The following SUMF1 variants were observed in gnomAD, a reference collection of about 807,000 sequenced individuals.
SUMF1 encodes formylglycine-generating enzyme.
In SUMF1, 48 loss-of-function variants were observed where a neutral mutation model predicts 47.6. That is an observed-to-expected ratio of 1.01 (90% CI 0.80 to 1.28). The LOEUF (loss-of-function observed/expected upper bound fraction) is 1.28. Ranked by LOEUF, SUMF1 falls within the 50% of genes most tolerant of loss-of-function variation. SUMF1 has a pLI of 0.00. For synonymous variants in SUMF1, 230 were observed against 192.1 expected (o/e 1.20, Z -1.63); for missense variants, 571 against 485.4 (o/e 1.18, Z -1.66).
chr3:4,404,931 T>C (rs1701328581), intron 7 of SUMF1, among the ~76,000 whole-genome samples: 1 of 152,116 alleles, frequency 6.6e-6, no homozygotes. Context: ...GGTATGAAAG[T>C]CTTAACTAAG....
At position 4,418,189 on chromosome 3, in the gene SUMF1, G is replaced by A. The variant is rs144730565; in HGVS notation, c.603-57C>T. On this transcript the variant is annotated intron_variant, in intron 4 of 8. Coordinates refer to ENST00000272902, the MANE Select transcript of SUMF1 (RefSeq NM_182760.4). Reference sequence around the variant, plus strand: ...ACACCAATCAGAACAAGAAGCAGGAGCTGGCTTCAGCAAAGCGCCCATAAT... The same window carrying A: ...ACACCAATCAGAACAAGAAGCAGGAACTGGCTTCAGCAAAGCGCCCATAAT... 5.6e-5 allele frequency: 91 copies of A among 1,611,078 alleles called. No individual in the cohort carries two copies. In the African/African-American group the frequency reaches 1.1e-3, roughly 20 times the overall value.
intron 3 of SUMF1, among the ~76,000 whole-genome samples, chr3:4,445,833 C>T (rs911928328): frequency 1.3e-5 from 2 of 152,102 alleles, no homozygotes; most frequent in Non-Finnish European, 2.9e-5. Flanking sequence ...AGCTGTGAAA[C>T]CGTACTATAG....
Position 4,453,162 on chromosome 3 carries a change from G to C in SUMF1, c.271-113C>G, listed in dbSNP as rs1416591617. ...CGCAAGTTTGTAAATCTTCACCACA[G>C]TAATAACTGTAAAATTCGGAAAAAT... On this transcript the variant is annotated intron_variant, in intron 1 of 8. Coordinates refer to ENST00000272902, the MANE Select transcript of SUMF1 (RefSeq NM_182760.4). The C allele has an allele frequency of 7.5e-6, 8 of 1,070,290 alleles. No homozygotes were observed. In the African/African-American group the frequency reaches 7.9e-5, roughly 11 times the overall value. 66.3% of individuals were successfully genotyped at this position (1,070,290 alleles called of 1,614,324 possible).
At chr3:4,049,581 A>T (rs1243962840) in intron 9 of SUMF1, among the ~76,000 whole-genome samples, 1 of 152,086 alleles carries the variant, frequency 6.6e-6, no homozygotes, top group Non-Finnish European at 1.5e-5. Flanking sequence ...GCATGCAGAC[A>T]GGTAGGTTCA....
In SUMF1 at chr3:4,110,086, C is replaced by T. The variant is rs1370096728; in HGVS notation, c.1015-41341G>A. On this transcript the variant is annotated intron_variant and NMD_transcript_variant, in intron 8 of 12. Transcript: ENST00000448413. Reference sequence around the variant, plus strand: ...TACCTTTGGTCTTTGATGATGGTGACGTACAGATGGGTTTTTGGTGTGGAT... The same window carrying T: ...TACCTTTGGTCTTTGATGATGGTGATGTACAGATGGGTTTTTGGTGTGGAT... Among the ~76,000 whole-genome samples the T allele has an allele frequency of 5.3e-5, 8 of 152,194 alleles. No homozygotes were observed. In the East Asian group the frequency reaches 7.7e-4, roughly 15 times the overall value.
rs1255413415 is a variant in SUMF1, at chr3:4,410,838, G to A, written c.954+27C>T. The A allele has an allele frequency of 1.9e-6, 3 of 1,602,046 alleles. No individual in the cohort carries two copies. The East Asian group carries it at 6.7e-5, about 36-fold the overall frequency. ...CAGAGGACAGATGCCACCATTCCAA[G>A]ACACATGCTCTGTGAATAATACTCA... is the stretch of plus-strand genomic sequence containing the variant. On this transcript the variant is annotated intron_variant, in intron 7 of 8. Coordinates refer to ENST00000272902, the MANE Select transcript of SUMF1 (RefSeq NM_182760.4).
At chr3:4,179,638 G>A (rs936558693) in intron 8 of SUMF1, among the ~76,000 whole-genome samples, 1 of 152,050 alleles carries the variant, frequency 6.6e-6, no homozygotes, top group Non-Finnish European at 1.5e-5. Context: ...CATGGGCAAG[G>A]ACTTCATGAC....
chr3:4,116,223 G>A (rs990819121), intron 8 of SUMF1, among the ~76,000 whole-genome samples: 1 of 152,042 alleles, frequency 6.6e-6, no homozygotes, highest in African/African-American at 2.4e-5. Context: ...ATCAACCCAG[G>A]TCTCCTGGTT....
At chr3:4,300,358 C>T (rs894769378) in intron 8 of SUMF1, among the ~76,000 whole-genome samples, 8 of 152,184 alleles carry the variant, frequency 5.3e-5, no homozygotes, top group African/African-American at 1.9e-4. Context: ...GAGCCATGAG[C>T]CAATTAAACC....
In SUMF1 at chr3:4,456,769, T is replaced by TATATACGTGTGTGTGTATATAC. The variant is rs2079632635; in HGVS notation, c.271-3721_271-3720insGTATATACACACACACGTATAT. 2.0e-4 allele frequency among the ~76,000 whole-genome samples: 26 copies of TATATACGTGTGTGTGTATATAC among 132,688 alleles called. 1 individual carries two copies. The highest frequency in any genetic ancestry group is 6.2e-4 in the African/African-American group (22 of 35,406). The allele number at this position is 132,688 out of a possible 152,430, so 87.0% of individuals were successfully genotyped here. A position where few individuals can be genotyped will look rare whatever the true frequency, so the allele number is the denominator to read the frequency against. ...ACATATATACGTGTGTGTGTATATA[T>TATATACGTGTGTGTGTATATAC]ACACATATATACGTGTGTGTGTATA... On this transcript the variant is annotated intron_variant, in intron 1 of 8. Coordinates refer to ENST00000272902, the MANE Select transcript of SUMF1 (RefSeq NM_182760.4).
In SUMF1 at chr3:4,313,451, T is replaced by C. The variant is rs763064545; in HGVS notation, c.1014+62879A>G. The C allele has an allele frequency of 5.6e-6, 9 of 1,614,044 alleles. No homozygotes were observed. The South Asian group carries it at 6.6e-5, about 12-fold the overall frequency. On this transcript the variant is annotated intron_variant and NMD_transcript_variant, in intron 8 of 12. Transcript: ENST00000448413. ...AACCTTTTGATGATTCCTGTCCGAA[T>C]TGACTCAATGGTACCTAAGTTGGCA... is the stretch of plus-strand genomic sequence containing the variant.
intron 9 of SUMF1, among the ~76,000 whole-genome samples, chr3:4,038,294 C>T (rs77366327): frequency 0.039 from 5,979 of 152,112 alleles, 415 homozygotes; most frequent in African/African-American, 0.14. Flanking sequence ...GCTGTGGGCC[C>T]AAGGCAGGGG....
chr3:4,060,611 T>G (rs1021272424), intron 9 of SUMF1, among the ~76,000 whole-genome samples: 3 of 152,176 alleles, frequency 2.0e-5, no homozygotes, highest in African/African-American at 7.2e-5. Context: ...GATGTATGAT[T>G]ATTAACACTA....
chr3:4,216,959 T>A (rs1257236740), intron 8 of SUMF1, among the ~76,000 whole-genome samples: 2 of 152,256 alleles, frequency 1.3e-5, no homozygotes, highest in Middle Eastern at 3.4e-3. Flanking sequence ...AGTGTGGCAA[T>A]CCCTCAAGGA....
intron 7 of SUMF1, among the ~76,000 whole-genome samples, chr3:4,383,360 CAG>C (rs1422549892): frequency 1.3e-5 from 2 of 152,042 alleles, no homozygotes; most frequent in African/African-American, 4.8e-5. Flanking sequence ...GCCTGGGCGA[CAG>C]AGCAAGATTC....
At chr3:4,253,217 T>TTTTTC (rs1696847642) in intron 8 of SUMF1, among the ~76,000 whole-genome samples, 1 of 152,276 alleles carries the variant, frequency 6.6e-6, no homozygotes, top group African/African-American at 2.4e-5. Flanking sequence ...GAACCTTGCT[T>TTTTTC]TTTTCTCTCC....
intron 9 of SUMF1, among the ~76,000 whole-genome samples, chr3:4,043,130 C>T (rs1010100009): frequency 5.9e-5 from 9 of 152,092 alleles, no homozygotes; most frequent in Admixed American, 4.6e-4. Flanking sequence ...CCCTCTACAA[C>T]TTCGACTCTT....
At chr3:4,304,309 T>C (rs1240644553) in intron 8 of SUMF1, among the ~76,000 whole-genome samples, 1 of 152,054 alleles carries the variant, frequency 6.6e-6, no homozygotes, top group African/African-American at 2.4e-5. Context: ...GCCCGGCTAA[T>C]TTTTGTATTT....
chr3:4,176,259 A>G (rs1694958306), intron 8 of SUMF1, among the ~76,000 whole-genome samples: 1 of 152,190 alleles, frequency 6.6e-6, no homozygotes, highest in African/African-American at 2.4e-5. Context: ...GGTTGAAATG[A>G]AGGAAAAAGT....
Sources: allele counts gnomAD v4.1 joint callset (sites outside exome capture counted in the v4.1 genomes callset), GRCh38; gene constraint gnomAD v4.1.1; transcripts MANE v1.5; gene names NCBI Gene and HGNC (gene_info 2026-07-23, HGNC 2026-07-21).